The following WNT3A variants were observed in gnomAD, a reference collection of about 807,000 sequenced individuals.
WNT3A encodes the protein protein Wnt-3a.
Under a neutral mutation model 37.0 loss-of-function variants are expected in WNT3A, and 17 were observed. The observed-to-expected ratio is 0.46, with a 90% CI of 0.31 to 0.69. The LOEUF is 0.69. Ranked by LOEUF, WNT3A falls within the 30% of genes least tolerant of loss-of-function variation. The pLI, the probability that WNT3A is intolerant of heterozygous loss-of-function variation, is 0.05. For synonymous variants in WNT3A, 187 were observed against 211.0 expected (o/e 0.89, Z 0.99); for missense variants, 411 against 510.2 (o/e 0.81, Z 1.87).
rs1040957156 is a variant in WNT3A at position 228,059,539 on chromosome 1, T to A, written c.*74T>A. The A allele has an allele frequency of 1.4e-5, 20 of 1,435,710 alleles. No homozygotes were observed. The highest frequency in any genetic ancestry group is 8.4e-5 in the Admixed American group (3 of 35,578). 88.9% of individuals were successfully genotyped at this position (1,435,710 alleles called of 1,614,324 possible). ...GGCTTTTCCCTGGGTGGAGCAGGAC[T>A]CCCACCTAAACGGGGCAGTACTCCT... On this transcript the variant is annotated 3_prime_UTR_variant, in exon 4 of 4. Transcript: ENST00000284523.
chr1:228,043,511 C>A (rs562606440), intron 2 of WNT3A, among the ~76,000 whole-genome samples: 2 of 152,202 alleles, frequency 1.3e-5, no homozygotes, highest in African/African-American at 4.8e-5. Flanking sequence ...GCACTTCCCA[C>A]GGGCAAGATG....
chr1:228,054,498 G>A (rs2031624422), intron 3 of WNT3A, among the ~76,000 whole-genome samples: 1 of 151,734 alleles, frequency 6.6e-6, no homozygotes, highest in Non-Finnish European at 1.5e-5. Context: ...CGTGGTGGCA[G>A]GTGCCTGTAG....
chr1:228,040,803 G>T (rs555954152), intron 2 of WNT3A, among the ~76,000 whole-genome samples: 1 of 150,916 alleles, frequency 6.6e-6, no homozygotes, highest in East Asian at 2.0e-4. Context: ...GGAGAATGGC[G>T]TGAACCTGGG....
Position 228,008,865 on chromosome 1 carries a change from C to T in WNT3A, c.71+1666C>T, listed in dbSNP as rs2102758717. Among the ~76,000 whole-genome samples the T allele has an allele frequency of 6.6e-6, 1 of 152,296 alleles. No individual in the cohort carries two copies. The highest frequency in any genetic ancestry group is 1.9e-4 in the East Asian group (1 of 5,178). On this transcript the variant is annotated intron_variant, in intron 1 of 3. Transcript: ENST00000284523. This position sits in a 1 kb window ranked among gnomAD's most constrained non-coding sequence, Gnocchi z 4.9. Reference sequence around the variant, plus strand: ...AGGGTTCCTAGCCTCGGTCCCCATCCACCTCATATGCATGTATACCTCCTT... The same window carrying T: ...AGGGTTCCTAGCCTCGGTCCCCATCTACCTCATATGCATGTATACCTCCTT...
intron 2 of WNT3A, among the ~76,000 whole-genome samples, chr1:228,025,326 T>C (rs7530812): frequency 0.13 from 20,094 of 152,098 alleles, 1,596 homozygotes; most frequent in African/African-American, 0.22. Context: ...TTTATTTAGG[T>C]CTTCTTCCTT....
In WNT3A at chr1:228,008,732, C is replaced by T. The variant is rs977142368; in HGVS notation, c.71+1533C>T. ...CCAGGCTTCTAATTAGAACCCGCCG[C>T]CGCGTTCCTGAGCGCAAAAGGAAGC... On this transcript the variant is annotated intron_variant, in intron 1 of 3. Coordinates refer to ENST00000284523, the MANE Select transcript of WNT3A (RefSeq NM_033131.4). This position sits in a 1 kb window ranked among gnomAD's most constrained non-coding sequence, Gnocchi z 4.9. Among the ~76,000 whole-genome samples the T allele has an allele frequency of 1.3e-5, 2 of 152,154 alleles. No homozygotes were observed. Among genetic ancestry groups the T allele is most frequent in the African/African-American group, 4.8e-5 (2 of 41,438 alleles).
At chr1:228,016,060 C>T (rs964079910) in intron 1 of WNT3A, among the ~76,000 whole-genome samples, 22 of 152,116 alleles carry the variant, frequency 1.4e-4, no homozygotes, top group East Asian at 1.9e-4. Flanking sequence ...TTCTGTCCCC[C>T]GCATGTGCTT....
In WNT3A at chr1:228,050,247, G is replaced by C. The variant is rs181976743; in HGVS notation, c.314-409G>C. Among the ~76,000 whole-genome samples, 1 of 152,134 alleles carries C rather than the reference G, an allele frequency of 6.6e-6. No homozygotes were observed. The highest frequency in any genetic ancestry group is 1.5e-5 in the Non-Finnish European group (1 of 68,040). ...GATGGGGTCTTGCTATGTTGAAAAG[G>C]CTGTCCTGGTCTCAAGCAGTCCTCC... On this transcript the variant is annotated intron_variant, in intron 2 of 3. Coordinates refer to ENST00000284523, the MANE Select transcript of WNT3A (RefSeq NM_033131.4). This position sits in a 1 kb window ranked among gnomAD's most constrained non-coding sequence, Gnocchi z 5.0.
intron 1 of WNT3A, among the ~76,000 whole-genome samples, chr1:228,021,044 T>C (rs909603653): frequency 1.3e-5 from 2 of 152,180 alleles, no homozygotes; most frequent in Non-Finnish European, 2.9e-5. Flanking sequence ...GAGGTGTATT[T>C]TGTACAGCAA....
At chr1:228,023,769 A>C (rs2030789760) in intron 2 of WNT3A, among the ~76,000 whole-genome samples, 1 of 152,242 alleles carries the variant, frequency 6.6e-6, no homozygotes, top group South Asian at 2.1e-4. Flanking sequence ...GCCTAGTTCC[A>C]AAATATCTTT....
At chr1:228,036,944 G>A (rs147980907) in intron 2 of WNT3A, among the ~76,000 whole-genome samples, 455 of 152,274 alleles carry the variant, frequency 3.0e-3, no homozygotes, top group African/African-American at 9.6e-3. Context: ...AGGAGCGGGC[G>A]AGGCCTGGAG....
intron 2 of WNT3A, among the ~76,000 whole-genome samples, chr1:228,026,904 G>A (rs2030866119): frequency 6.6e-6 from 1 of 152,178 alleles, no homozygotes; most frequent in Non-Finnish European, 1.5e-5. Flanking sequence ...GTGCAGCGGT[G>A]CGATCTCGGC....
At chr1:228,025,582 C>T (rs887821243) in intron 2 of WNT3A, among the ~76,000 whole-genome samples, 11 of 152,190 alleles carry the variant, frequency 7.2e-5, no homozygotes, top group African/African-American at 2.7e-4. Flanking sequence ...CTCCTGGGCT[C>T]AAGCGATCCA....
At position 228,037,449 on chromosome 1, in the gene WNT3A, C is replaced by A. The variant is rs2031170274; in HGVS notation, c.314-13207C>A. ...AACGTCTTCCCCAGGCAGGAGACAG[C>A]CCAGCCTCCTCTCCTCCCCGCTGAG... On this transcript the variant is annotated intron_variant, in intron 2 of 3. Coordinates refer to ENST00000284523, the MANE Select transcript of WNT3A (RefSeq NM_033131.4). This position sits in a 1 kb window ranked among gnomAD's most constrained non-coding sequence, Gnocchi z 4.1. 6.6e-6 allele frequency among the ~76,000 whole-genome samples: 1 copy of A among 152,136 alleles called. No homozygotes were observed. The highest frequency in any genetic ancestry group is 1.5e-5 in the Non-Finnish European group (1 of 67,994).
At chr1:228,041,627 T>C (rs1251174880) in intron 2 of WNT3A, among the ~76,000 whole-genome samples, 1 of 152,060 alleles carries the variant, frequency 6.6e-6, no homozygotes, top group Admixed American at 6.5e-5. Flanking sequence ...CCCATCCATC[T>C]ACCCATTATT....
At chr1:228,017,630 G>A (rs1214157908) in intron 1 of WNT3A, among the ~76,000 whole-genome samples, 1 of 152,186 alleles carries the variant, frequency 6.6e-6, no homozygotes, top group Non-Finnish European at 1.5e-5. Flanking sequence ...AAGATGGGAG[G>A]ATCCCTTGAG....
At chr1:228,029,674 T>C (rs1466231142) in intron 2 of WNT3A, among the ~76,000 whole-genome samples, 6 of 152,008 alleles carry the variant, frequency 3.9e-5, no homozygotes, top group Admixed American at 1.3e-4. Flanking sequence ...TCAAAAACCC[T>C]GGGCCCCTGG....
chr1:228,031,695 G>A lies in WNT3A; in HGVS notation c.313+8787G>A, dbSNP rs756474395. Among the ~76,000 whole-genome samples, 22 of 152,114 alleles carry A rather than the reference G, an allele frequency of 1.4e-4. 1 individual carries two copies. The highest frequency in any genetic ancestry group is 4.6e-4 in the Admixed American group (7 of 15,276). ...GGGTGTATGTGGATGTGCCTGTGCC[G>A]TGTGCATGTGGCTGTGGCATGCATG... On this transcript the variant is annotated intron_variant, in intron 2 of 3. Coordinates refer to ENST00000284523, the MANE Select transcript of WNT3A (RefSeq NM_033131.4). This position sits in a 1 kb window ranked among gnomAD's most constrained non-coding sequence, Gnocchi z 4.8.
Position 228,050,880 on chromosome 1 carries a change from C to T in WNT3A, c.538C>T (p.Arg180Cys). Residue 180 changes from arginine to cysteine, a missense_variant, in exon 3 of 4, where the codon CGC (arginine) becomes TGC (cysteine). Transcript: ENST00000284523. This position sits in a 1 kb window ranked among gnomAD's most constrained non-coding sequence, Gnocchi z 5.0. ...CGCCCGGGAGAACCGGCCAGATGCC[C>T]GCTCAGCCATGAACCGCCACAACAA... is the stretch of plus-strand genomic sequence containing the variant. ...ADARENRPDARSAMNRHNNEA... is the reference protein window; with the variant it reads ...ADARENRPDACSAMNRHNNEA... 4 of 1,575,234 alleles carry T rather than the reference C, an allele frequency of 2.5e-6. No individual in the cohort carries two copies. The highest frequency in any genetic ancestry group is 1.1e-5 in the South Asian group (1 of 87,278).
Sources: allele counts gnomAD v4.1 joint callset (sites outside exome capture counted in the v4.1 genomes callset), GRCh38; gene constraint gnomAD v4.1.1; non-coding constraint Gnocchi (gnomAD v3.1); transcripts MANE v1.5; gene names NCBI Gene and HGNC (gene_info 2026-07-23, HGNC 2026-07-21).